Variants in FARS2 observed in about 807,000 individuals in gnomAD.
FARS2 encodes phenylalanyl-tRNA synthetase 2, mitochondrial, also known as phenylalanine--tRNA ligase, mitochondrial.
Under a neutral mutation model 46.4 loss-of-function variants are expected in FARS2, and 40 were observed. The observed-to-expected ratio is 0.86, with a 90% CI of 0.67 to 1.12. FARS2 has a LOEUF of 1.12. Ranked by LOEUF, FARS2 falls within the 50% of genes most tolerant of loss-of-function variation. The probability of loss-of-function intolerance (pLI) is 0.00; values close to 1 mark genes in which losing one functional copy is unlikely to be tolerated. For synonymous variants in FARS2, 234 were observed against 214.9 expected (o/e 1.09, Z -0.78); for missense variants, 513 against 567.9 (o/e 0.90, Z 0.98).
At chr6:5,410,250 T>C (rs1761866666) in intron 3 of FARS2, among the ~76,000 whole-genome samples, 1 of 151,724 alleles carries the variant, frequency 6.6e-6, no homozygotes, top group Non-Finnish European at 1.5e-5. Flanking sequence ...GCCTCCTGGG[T>C]TCCCGCGATT....
chr6:5,405,654 G>T (rs1761544017), intron 3 of FARS2, among the ~76,000 whole-genome samples: 1 of 151,720 alleles, frequency 6.6e-6, no homozygotes. Flanking sequence ...CACCACGCCT[G>T]GTTAATTTTT....
intron 1 of FARS2, among the ~76,000 whole-genome samples, chr6:5,264,824 G>T (rs909922272): frequency 2.0e-5 from 3 of 152,130 alleles, no homozygotes; most frequent in African/African-American, 7.2e-5. Flanking sequence ...TAGAGACAGG[G>T]TCTCTGTTTA....
intron 5 of FARS2, among the ~76,000 whole-genome samples, chr6:5,580,289 CAA>C (rs35150084): frequency 0.015 from 1,613 of 105,066 alleles, 29 homozygotes; most frequent in African/African-American, 0.056. Flanking sequence ...GACTCCGTCT[CAA>C]AAAAAAAAAA....
intron 6 of FARS2, among the ~76,000 whole-genome samples, chr6:5,685,544 C>T (rs1757133703): frequency 2.0e-5 from 3 of 152,176 alleles, no homozygotes; most frequent in African/African-American, 4.8e-5. Flanking sequence ...GTCCTCAGGA[C>T]CTGGCCTACT....
At chr6:5,729,850 G>C (rs78363696) in intron 6 of FARS2, among the ~76,000 whole-genome samples, 8,401 of 152,258 alleles carry the variant, frequency 0.055, 768 homozygotes, top group African/African-American at 0.19. Context: ...AGCCACCTTT[G>C]AAAACTCTAT....
At chr6:5,665,879 T>A (rs1039353363) in intron 6 of FARS2, among the ~76,000 whole-genome samples, 1 of 152,196 alleles carries the variant, frequency 6.6e-6, no homozygotes, top group East Asian at 1.9e-4. Context: ...GAGAGCTTTC[T>A]GCTTCCTTTT....
chr6:5,302,336 GC>G (rs1768375767), intron 1 of FARS2, among the ~76,000 whole-genome samples: 1 of 152,200 alleles, frequency 6.6e-6, no homozygotes, highest in Admixed American at 6.5e-5. Context: ...GTCGGTCTGT[GC>G]ACCACGTGGT....
At chr6:5,328,518 T>C (rs1185302819) in intron 1 of FARS2, among the ~76,000 whole-genome samples, 2 of 152,224 alleles carry the variant, frequency 1.3e-5, no homozygotes, top group Non-Finnish European at 2.9e-5. Flanking sequence ...TCTGTGCCCC[T>C]GAGCTCCCAT....
chr6:5,300,108 G>A (rs558999418), intron 1 of FARS2, among the ~76,000 whole-genome samples: 1 of 152,290 alleles, frequency 6.6e-6, no homozygotes, highest in Admixed American at 6.5e-5. Context: ...GACTCTGTGA[G>A]TAGTTAGAGA....
At chr6:5,515,838 T>A (rs1018436475) in intron 4 of FARS2, among the ~76,000 whole-genome samples, 2 of 152,242 alleles carry the variant, frequency 1.3e-5, no homozygotes, top group African/African-American at 4.8e-5. Context: ...GCATATCATT[T>A]TAAAACAAAA....
At chr6:5,585,197 A>G (rs1030655808) in intron 5 of FARS2, among the ~76,000 whole-genome samples, 2 of 152,142 alleles carry the variant, frequency 1.3e-5, no homozygotes, top group Admixed American at 1.3e-4. Flanking sequence ...ACAAAAATTT[A>G]TATATTCAAG....
At chr6:5,431,216 A>T in intron 4 of FARS2, 44 bp downstream of exon 4, 2 of 1,603,392 alleles carry the variant, frequency 1.2e-6, no homozygotes, top group Non-Finnish European at 1.7e-6. Flanking sequence ...CTCTAAAGGA[A>T]CCCTCCCTTC....
intron 4 of FARS2, among the ~76,000 whole-genome samples, chr6:5,522,754 T>G (rs940570509): frequency 6.6e-6 from 1 of 152,246 alleles, no homozygotes; most frequent in South Asian, 2.1e-4. Flanking sequence ...AGATTTAACA[T>G]TGGAAAGAAA....
At chr6:5,532,339 A>AAC (rs373704214) in intron 4 of FARS2, among the ~76,000 whole-genome samples, 59 of 152,368 alleles carry the variant, frequency 3.9e-4, no homozygotes, top group African/African-American at 1.4e-3. Context: ...ATCTTGCTCG[A>AAC]ACACTGTTTA....
At chr6:5,578,980 A>G (rs185189865) in intron 5 of FARS2, among the ~76,000 whole-genome samples, 9 of 152,280 alleles carry the variant, frequency 5.9e-5, no homozygotes. Context: ...CGTGGAGGAT[A>G]AGGTTTTGTG....
rs1325889084 is a variant in FARS2 at position 5,587,972 on chromosome 6, G to A, written c.1066-25197G>A. Among the ~76,000 whole-genome samples, 3 of 152,114 alleles carry A rather than the reference G, an allele frequency of 2.0e-5. No individual in the cohort carries two copies. In the South Asian group the frequency reaches 6.2e-4, roughly 32 times the overall value. On this transcript the variant is annotated intron_variant, in intron 5 of 6. Transcript: ENST00000274680. ...TATGAAACAACATATTTTAAGATAGGTAAAACCCTGACTGTGGTGGGAATG... is the reference window on the plus strand; with the variant it reads ...TATGAAACAACATATTTTAAGATAGATAAAACCCTGACTGTGGTGGGAATG...
chr6:5,444,217 C>T (rs9504396), intron 4 of FARS2, among the ~76,000 whole-genome samples: 50,143 of 151,546 alleles, frequency 0.33, 8,713 homozygotes, highest in African/African-American at 0.42. Context: ...GCCTGTAATC[C>T]GAGCACTTTG....
chr6:5,397,675 A>G (rs555233044), intron 2 of FARS2, among the ~76,000 whole-genome samples: 2 of 152,364 alleles, frequency 1.3e-5, no homozygotes, highest in African/African-American at 4.8e-5. Flanking sequence ...AACATGTAAA[A>G]TTGAAAAATG....
chr6:5,284,192 G>C (rs577598196), intron 1 of FARS2, among the ~76,000 whole-genome samples: 1 of 152,238 alleles, frequency 6.6e-6, no homozygotes, highest in East Asian at 1.9e-4. Context: ...AATTCATTTC[G>C]GGGGATCGTT....
Sources: allele counts gnomAD v4.1 joint callset (sites outside exome capture counted in the v4.1 genomes callset), GRCh38; gene constraint gnomAD v4.1.1; transcripts MANE v1.5; gene names NCBI Gene and HGNC (gene_info 2026-07-23, HGNC 2026-07-21).